PPP1R1C: variants seen among roughly 807,000 people sequenced by gnomAD.
PPP1R1C encodes the protein protein phosphatase 1 regulatory subunit 1C.
A neutral mutation model predicts 17.4 loss-of-function variants in PPP1R1C; 15 were observed. The observed-to-expected ratio is 0.86, with a 90% confidence interval of 0.58 to 1.33. The LOEUF is 1.33. PPP1R1C is among the 40% of genes most tolerant of loss of function. The probability of loss-of-function intolerance (pLI) is 0.00; values close to 1 mark genes in which losing one functional copy is unlikely to be tolerated. For synonymous variants in PPP1R1C, 35 were observed against 43.1 expected (o/e 0.81, Z 0.73); for missense variants, 143 against 130.0 (o/e 1.10, Z -0.48).
intron 1 of PPP1R1C, among the ~76,000 whole-genome samples, chr2:181,964,435 C>A (rs1270107064): frequency 6.6e-6 from 1 of 152,142 alleles, no homozygotes; most frequent in East Asian, 1.9e-4. Flanking sequence ...CATGAGGGAG[C>A]ATATATCTGT....
At chr2:181,985,013 G>A (rs940807933), upstream of PPP1R1C, among the ~76,000 whole-genome samples, 59 of 152,194 alleles carry the variant, frequency 3.9e-4, no homozygotes, top group African/African-American at 1.4e-3. This position sits in a 1 kb window ranked among gnomAD's most constrained non-coding sequence, Gnocchi z 4.1. Flanking sequence ...CCCACTTCAT[G>A]CTTTTTTCAA....
intron 4 of PPP1R1C, among the ~76,000 whole-genome samples, chr2:182,077,859 A>C (rs912919333): frequency 5.9e-5 from 9 of 152,210 alleles, no homozygotes; most frequent in African/African-American, 2.2e-4. Flanking sequence ...CAAAGTTTAA[A>C]AAGTACAAGT....
intron 1 of PPP1R1C, among the ~76,000 whole-genome samples, chr2:181,963,343 T>C (rs1329894605): frequency 1.3e-5 from 2 of 152,122 alleles, no homozygotes; most frequent in Non-Finnish European, 2.9e-5. Context: ...AGGATAAATA[T>C]GAAATTCGAA....
intron 2 of PPP1R1C, among the ~76,000 whole-genome samples, chr2:181,979,348 A>G (rs1275721489): frequency 6.6e-6 from 1 of 152,120 alleles, no homozygotes; most frequent in Non-Finnish European, 1.5e-5. Flanking sequence ...TATTCTATGC[A>G]TCTCCCTCTC....
intron 4 of PPP1R1C, among the ~76,000 whole-genome samples, chr2:182,115,184 G>A (rs1162737453): frequency 6.6e-6 from 1 of 152,106 alleles, no homozygotes; most frequent in East Asian, 1.9e-4. Flanking sequence ...AATGATTACT[G>A]TGTCTTAATA....
chr2:181,975,397 C>T (rs1006076566), intron 2 of PPP1R1C: 2 of 151,834 alleles, frequency 1.3e-5, no homozygotes, highest in Non-Finnish European at 2.9e-5. Flanking sequence ...TTGAACATTT[C>T]CTCTGAGTAG....
At chr2:182,023,387 T>A (rs1174902114) in intron 2 of PPP1R1C, among the ~76,000 whole-genome samples, 1 of 151,420 alleles carries the variant, frequency 6.6e-6, no homozygotes, top group Non-Finnish European at 1.5e-5. Context: ...AAAGCTTGAG[T>A]TCATGTGTAG....
chr2:182,002,401 C>T (rs778924595), intron 2 of PPP1R1C, among the ~76,000 whole-genome samples: 27 of 151,914 alleles, frequency 1.8e-4, no homozygotes, highest in East Asian at 5.8e-4. Context: ...GAATAAAAAA[C>T]GATTACCTGC....
upstream of PPP1R1C, among the ~76,000 whole-genome samples, chr2:181,983,690 A>G (rs544578264): frequency 4.1e-4 from 63 of 152,362 alleles, no homozygotes; most frequent in African/African-American, 1.5e-3. Context: ...CTACTCAACA[A>G]ATATTTGCTA....
At chr2:182,074,631 T>C (rs772109074) in intron 4 of PPP1R1C, among the ~76,000 whole-genome samples, 1 of 152,228 alleles carries the variant, frequency 6.6e-6, no homozygotes, top group Non-Finnish European at 1.5e-5. Flanking sequence ...TTCACAAACT[T>C]GTCCTGGTCT....
chr2:182,026,903 TTC>T (rs1686633589), intron 2 of PPP1R1C, among the ~76,000 whole-genome samples: 1 of 145,094 alleles, frequency 6.9e-6, no homozygotes, highest in Admixed American at 6.9e-5. Flanking sequence ...TGGTTTGTAG[TTC>T]TCCTTGAAGA....
At chr2:182,114,452 A>G (rs1284628375) in intron 4 of PPP1R1C, among the ~76,000 whole-genome samples, 1 of 152,210 alleles carries the variant, frequency 6.6e-6, no homozygotes, top group African/African-American at 2.4e-5. Flanking sequence ...TTTGGGATGC[A>G]GGAGAGGTGT....
downstream of PPP1R1C, among the ~76,000 whole-genome samples, chr2:182,120,500 CT>C (rs1689708159): frequency 6.6e-6 from 1 of 152,142 alleles, no homozygotes; most frequent in South Asian, 2.1e-4. Flanking sequence ...CTGACTTTTT[CT>C]TTGTTAAGCC....
chr2:181,989,164 G>T (rs1385818353), intron 2 of PPP1R1C, among the ~76,000 whole-genome samples: 2 of 152,118 alleles, frequency 1.3e-5, no homozygotes, highest in Non-Finnish European at 1.5e-5. Context: ...TCCTCCCTAT[G>T]CCTGCCTTAA....
In PPP1R1C at chr2:182,117,576, T is replaced by G. The variant is rs1232236998; in HGVS notation, c.*281T>G. 2 of 299,428 alleles carry G rather than the reference T, an allele frequency of 6.7e-6. No individual in the cohort carries two copies. Among genetic ancestry groups the G allele is most frequent in the African/African-American group, 4.4e-5 (2 of 45,222 alleles). The allele number at this position is 299,428 out of a possible 1,614,324, so 18.5% of individuals were successfully genotyped here. On this transcript the variant is annotated 3_prime_UTR_variant, in exon 5 of 5. Coordinates refer to ENST00000682840, the MANE Select transcript of PPP1R1C (RefSeq NM_001080545.3). ...TGCATACATGTGACTGTTCTAACTT[T>G]AATACTGCCAGAGCTTAATCCTTGA...
At chr2:182,129,970 G>T (rs766824892) in exon 6 of PPP1R1C, 7 of 151,996 alleles carry the variant, frequency 4.6e-5, no homozygotes, top group Non-Finnish European at 8.8e-5. Flanking sequence ...AGAAATAAAA[G>T]AAGTAAATTT....
At chr2:182,098,097 T>C (rs796381653) in intron 4 of PPP1R1C, among the ~76,000 whole-genome samples, 6 of 152,240 alleles carry the variant, frequency 3.9e-5, no homozygotes, top group Admixed American at 1.3e-4. Context: ...CATGTCTCCA[T>C]ATCCTAGATG....
chr2:182,077,868 G>A (rs981740398), intron 4 of PPP1R1C, among the ~76,000 whole-genome samples: 4 of 152,180 alleles, frequency 2.6e-5, no homozygotes, highest in African/African-American at 9.7e-5. Context: ...AAAAGTACAA[G>A]TAGAAAATAA....
intron 5 of PPP1R1C, among the ~76,000 whole-genome samples, chr2:182,122,937 T>C (rs1689769529): frequency 6.6e-6 from 1 of 152,146 alleles, no homozygotes. Context: ...ACAGGTGCCA[T>C]GGTGGTTTGC....
Sources: allele counts gnomAD v4.1 joint callset (sites outside exome capture counted in the v4.1 genomes callset), GRCh38; gene constraint gnomAD v4.1.1; non-coding constraint Gnocchi (gnomAD v3.1); transcripts MANE v1.5; gene names NCBI Gene and HGNC (gene_info 2026-07-23, HGNC 2026-07-21).